STXBP4: variants seen among roughly 807,000 people sequenced by gnomAD.
The protein encoded by STXBP4 is syntaxin binding protein 4, also known as syntaxin-binding protein 4.
In STXBP4, 55 loss-of-function variants were observed where a neutral mutation model predicts 76.1. The observed-to-expected ratio is 0.72, with a 90% CI of 0.58 to 0.91. STXBP4 has a LOEUF of 0.91. STXBP4 is among the 40% of genes least tolerant of loss of function. The probability of loss-of-function intolerance (pLI) is 0.00; values close to 1 mark genes in which losing one functional copy is unlikely to be tolerated. For synonymous variants in STXBP4, 201 were observed against 220.2 expected (o/e 0.91, Z 0.77); for missense variants, 618 against 636.9 (o/e 0.97, Z 0.32).
intron 8 of STXBP4, among the ~76,000 whole-genome samples, chr17:55,014,915 C>CT (rs927838428): frequency 6.6e-4 from 97 of 147,206 alleles, no homozygotes; most frequent in Middle Eastern, 3.6e-3. Flanking sequence ...AAGTGGTGGC[C>CT]TTTTTTTTTT....
At chr17:55,030,924 C>T (rs1567727696) in intron 8 of STXBP4, 1 of 358,928 alleles carries the variant, frequency 2.8e-6, no homozygotes, top group East Asian at 4.8e-5. Flanking sequence ...GGTTCTAGGA[C>T]AATGTCATAA....
At chr17:54,990,009 C>A (rs1454728353) in intron 3 of STXBP4, among the ~76,000 whole-genome samples, 1 of 152,180 alleles carries the variant, frequency 6.6e-6, no homozygotes, top group Non-Finnish European at 1.5e-5. Context: ...TTCAAGTAGT[C>A]TAATAACCAG....
chr17:55,077,376 C>A (rs140734674), intron 13 of STXBP4, among the ~76,000 whole-genome samples: 1 of 152,094 alleles, frequency 6.6e-6, no homozygotes, highest in Non-Finnish European at 1.5e-5. Context: ...AATTCTGGCC[C>A]CAAACCTGTG....
rs183390521 is a variant in STXBP4 at position 54,992,114 on chromosome 17, G to A, written c.180+1157G>A. 1.6e-3 allele frequency among the ~76,000 whole-genome samples: 247 copies of A among 151,988 alleles called. 2 individuals are homozygous for A. Among genetic ancestry groups the A allele is most frequent in the Non-Finnish European group, 1.3e-3 (89 of 67,970 alleles). On this transcript the variant is annotated intron_variant, in intron 4 of 17. Transcript: ENST00000376352. Reference sequence around the variant, plus strand: ...AAGGCATCTTTTAAATATACTTTCCGAGTTCTAAGTGTTATAGAGGCCAGG... The same window carrying A: ...AAGGCATCTTTTAAATATACTTTCCAAGTTCTAAGTGTTATAGAGGCCAGG...
chr17:55,194,086 C>A, the STXBP4 span, among the ~76,000 whole-genome samples: 1 of 152,078 alleles, frequency 6.6e-6, no homozygotes, highest in Admixed American at 6.6e-5. Flanking sequence ...GCACCTTACA[C>A]ATATGCCTGC....
intron 12 of STXBP4, among the ~76,000 whole-genome samples, chr17:55,054,203 T>C (rs2078895779): frequency 6.6e-6 from 1 of 152,118 alleles, no homozygotes; most frequent in Non-Finnish European, 1.5e-5. Context: ...TCACAGTGAA[T>C]TGGCCAAACA....
chr17:55,001,031 T>A, intron 7 of STXBP4, 148 bp downstream of exon 7: 2 of 568,880 alleles, frequency 3.5e-6, no homozygotes, highest in South Asian at 5.1e-5. Flanking sequence ...TGTCTTTCCG[T>A]TGGGCCCTGT....
chr17:55,048,007 C>A (rs2078812423), intron 12 of STXBP4, among the ~76,000 whole-genome samples: 1 of 151,668 alleles, frequency 6.6e-6, no homozygotes, highest in Non-Finnish European at 1.5e-5. Flanking sequence ...GAAGAACAAA[C>A]AAAATCACCC....
chr17:55,159,113 T>G (rs1240604463), intron 17 of STXBP4, among the ~76,000 whole-genome samples: 1 of 152,098 alleles, frequency 6.6e-6, no homozygotes, highest in East Asian at 1.9e-4. Flanking sequence ...GATGTGGTGG[T>G]GCGCACCTTT....
At chr17:55,128,153 A>G (rs1016479941) in intron 16 of STXBP4, among the ~76,000 whole-genome samples, 7 of 152,222 alleles carry the variant, frequency 4.6e-5, no homozygotes, top group Non-Finnish European at 7.3e-5. Flanking sequence ...ATGGGAGGCA[A>G]ATTTCTACAG....
At chr17:55,017,033 A>G (rs1445468391) in intron 8 of STXBP4, among the ~76,000 whole-genome samples, 1 of 152,200 alleles carries the variant, frequency 6.6e-6, no homozygotes, top group African/African-American at 2.4e-5. Context: ...CAGTATTTTT[A>G]GGCTACACCC....
the STXBP4 span, among the ~76,000 whole-genome samples, chr17:55,210,811 ATT>A: frequency 1.3e-5 from 2 of 152,136 alleles, no homozygotes; most frequent in Non-Finnish European, 2.9e-5. Flanking sequence ...ATGATCTTAT[ATT>A]GTTATCATTG....
chr17:55,159,671 A>G (rs1228383089), intron 17 of STXBP4, 126 bp from the exon 18 acceptor site: 3 of 573,168 alleles, frequency 5.2e-6, no homozygotes, highest in Non-Finnish European at 9.3e-6. Context: ...TATTGGATCT[A>G]GTTCTAACTG....
rs2080408629 is a variant in STXBP4 at position 55,171,863 on chromosome 17, T to C, written c.*11952T>C. On this transcript the variant is annotated 3_prime_UTR_variant, in exon 18 of 18. Transcript: ENST00000376352. ...AGCCTCCAAACTGTGAGACAATACATTTCTGTTGCTTAAGCCACTCAGTTA... is the reference window on the plus strand; with the variant it reads ...AGCCTCCAAACTGTGAGACAATACACTTCTGTTGCTTAAGCCACTCAGTTA... 1 of 152,234 alleles carries C rather than the reference T, an allele frequency of 6.6e-6. No homozygotes were observed. The highest frequency in any genetic ancestry group is 1.5e-5 in the Non-Finnish European group (1 of 68,060). The allele number at this position is 152,234 out of a possible 1,614,324, so 9.4% of individuals were successfully genotyped here.
intron 16 of STXBP4, among the ~76,000 whole-genome samples, chr17:55,107,604 A>G (rs556531662): frequency 6.3e-4 from 96 of 152,192 alleles, no homozygotes; most frequent in Admixed American, 4.6e-4. Context: ...GGGTTTCTGT[A>G]TGGATATCCT....
chr17:55,123,399 A>G (rs1205235893), intron 16 of STXBP4, among the ~76,000 whole-genome samples: 1 of 152,190 alleles, frequency 6.6e-6, no homozygotes, highest in African/African-American at 2.4e-5. Flanking sequence ...TCCTGAATTA[A>G]TCAGAAATTA....
chr17:55,051,807 A>G (rs573187894), intron 12 of STXBP4, among the ~76,000 whole-genome samples: 1 of 152,060 alleles, frequency 6.6e-6, no homozygotes, highest in Non-Finnish European at 1.5e-5. Context: ...CTTGAATTGG[A>G]TGTATCATTG....
chr17:55,188,027 G>A, the STXBP4 span, among the ~76,000 whole-genome samples: 1 of 152,100 alleles, frequency 6.6e-6, no homozygotes. Context: ...TTTTACAGAT[G>A]AGGAAACTGC....
intron 8 of STXBP4, among the ~76,000 whole-genome samples, chr17:55,017,546 T>A (rs2078230207): frequency 6.6e-6 from 1 of 152,114 alleles, no homozygotes; most frequent in African/African-American, 2.4e-5. Flanking sequence ...GATTCAGAGG[T>A]AAGAAGAATT....
Sources: gnomAD v4.1 joint callset for allele counts (sites outside exome capture counted in the v4.1 genomes callset) on GRCh38, gnomAD v4.1.1 for gene constraint, MANE v1.5 for transcripts, NCBI Gene and HGNC (gene_info 2026-07-23, HGNC 2026-07-21) for gene names.